Variants in KHDRBS2 observed in about 807,000 individuals in gnomAD.
The protein encoded by KHDRBS2 is KH domain-containing, RNA-binding, signal transduction-associated protein 2.
Under a neutral mutation model 44.3 loss-of-function variants are expected in KHDRBS2, and 26 were observed. The observed-to-expected ratio is 0.59, with a 90% confidence interval of 0.43 to 0.81. The LOEUF (loss-of-function observed/expected upper bound fraction) is 0.81, where lower values mean the gene tolerates loss of function less well. KHDRBS2 is among the 40% of genes least tolerant of loss of function. The pLI is 0.00. For missense variants in KHDRBS2, 476 were observed against 433.1 expected (o/e 1.10, Z -0.88); for synonymous variants, 194 against 151.1 (o/e 1.28, Z -2.08).
At chr6:61,613,557 C>A in the KHDRBS2 span, among the ~76,000 whole-genome samples, 2 of 152,156 alleles carry the variant, frequency 1.3e-5, no homozygotes, top group African/African-American at 4.8e-5. Flanking sequence ...TCTGCATCCA[C>A]ATTTCTTTTT....
chr6:61,628,196 G>A, the KHDRBS2 span, among the ~76,000 whole-genome samples: 1 of 132,464 alleles, frequency 7.5e-6, no homozygotes, highest in Non-Finnish European at 1.5e-5. Flanking sequence ...CATGTCCACT[G>A]GTACATGTGT....
rs963555738 is a variant in KHDRBS2, at chr6:62,136,421, G to C, written c.219+40764C>G. Among the ~76,000 whole-genome samples the C allele has an allele frequency of 1.4e-4, 21 of 152,174 alleles. No homozygotes were observed. The East Asian group carries it at 2.3e-3, about 17-fold the overall frequency. ...TAATTGATTCTCAATCAGGTGATACGCTCCTTTAAATATGAAAAATGCGTT... is the reference window on the plus strand; with the variant it reads ...TAATTGATTCTCAATCAGGTGATACCCTCCTTTAAATATGAAAAATGCGTT... On this transcript the variant is annotated intron_variant, in intron 2 of 8. Coordinates refer to ENST00000281156, the MANE Select transcript of KHDRBS2 (RefSeq NM_152688.4).
At chr6:61,983,220 CTTTCTTTCTTTCTTTCTTTTTTTTTTTT>C (rs1402541337) in intron 3 of KHDRBS2, among the ~76,000 whole-genome samples, 1 of 76,452 alleles carries the variant, frequency 1.3e-5, no homozygotes, top group African/African-American at 5.3e-5. Context: ...TTCTTTCTTT[CTTTCTTTCTTTCTTTCTTTTTTTTTTTT>C]TTTTTTTTTA....
chr6:61,677,564 G>A (rs1766014391), downstream of KHDRBS2, among the ~76,000 whole-genome samples: 1 of 151,856 alleles, frequency 6.6e-6, no homozygotes. Flanking sequence ...CTAAATGTGA[G>A]GTTTATCTTG....
At chr6:61,767,744 A>C (rs1490142823) in intron 6 of KHDRBS2, among the ~76,000 whole-genome samples, 1 of 152,170 alleles carries the variant, frequency 6.6e-6, no homozygotes, top group Admixed American at 6.5e-5. Context: ...ACAAACAAGC[A>C]AAGAGAAAAC....
At position 62,140,471 on chromosome 6, in the gene KHDRBS2, A is replaced by G. The variant is rs537708007; in HGVS notation, c.219+36714T>C. On this transcript the variant is annotated intron_variant, in intron 2 of 8. Transcript: ENST00000281156. ...TAGTGAACATGGAAATAAATTCTATAAATTTGAGGGTTATCAAAATGAACC... is the reference window on the plus strand; with the variant it reads ...TAGTGAACATGGAAATAAATTCTATGAATTTGAGGGTTATCAAAATGAACC... Among the ~76,000 whole-genome samples the G allele has an allele frequency of 5.3e-5, 8 of 152,330 alleles. 1 individual carries two copies. Among genetic ancestry groups the G allele is most frequent in the Admixed American group, 3.3e-4 (5 of 15,300 alleles).
the KHDRBS2 span, among the ~76,000 whole-genome samples, chr6:61,641,587 T>G: frequency 1.3e-5 from 2 of 152,196 alleles, no homozygotes; most frequent in Non-Finnish European, 2.9e-5. Flanking sequence ...TCTGTAAGAA[T>G]CTATAGCTTT....
At chr6:62,055,786 T>G (rs1020622908) in intron 2 of KHDRBS2, among the ~76,000 whole-genome samples, 1 of 151,980 alleles carries the variant, frequency 6.6e-6, no homozygotes, top group African/African-American at 2.4e-5. Flanking sequence ...AGAAGTTGCA[T>G]CACATTTGGA....
Position 61,960,900 on chromosome 6 carries a change from A to G in KHDRBS2, c.483+17166T>C, listed in dbSNP as rs188908328. On this transcript the variant is annotated intron_variant, in intron 4 of 8. Coordinates refer to ENST00000281156, the MANE Select transcript of KHDRBS2 (RefSeq NM_152688.4). ...CTGCAATGTTTTACCCACTGAGTGC[A>G]TGAAGCAGTTATTTGAAGACACTAA... 2.2e-3 allele frequency among the ~76,000 whole-genome samples: 334 copies of G among 152,258 alleles called. 2 individuals are homozygous for G. Among genetic ancestry groups the G allele is most frequent in the African/African-American group, 7.8e-3 (325 of 41,572 alleles).
chr6:61,933,420 A>T (rs555661076), intron 4 of KHDRBS2, among the ~76,000 whole-genome samples: 73 of 152,290 alleles, frequency 4.8e-4, no homozygotes, highest in Middle Eastern at 6.8e-3. Flanking sequence ...GCTGCAAAAA[A>T]CATAGGAGTG....
chr6:62,047,944 C>T lies in KHDRBS2; in HGVS notation c.270G>A (p.Arg90=), dbSNP rs542270179. The change falls in exon 3 of 9, where the codon AGG becomes AGA. Residue 90 remains arginine, a synonymous_variant. Transcript: ENST00000281156. ...TTTTAGCACCTGTTTCTTCCTGTAG[C>T]CTCTTCAAGGAGTTTCCTCTTGGTC... ...LLGPRGNSLK[R]LQEETGAKMS... The T allele has an allele frequency of 1.2e-6, 2 of 1,612,248 alleles. No individual in the cohort carries two copies. Among genetic ancestry groups the T allele is most frequent in the South Asian group, 1.1e-5 (1 of 91,046 alleles).
At chr6:61,689,972 T>G (rs1345050071) in intron 8 of KHDRBS2, among the ~76,000 whole-genome samples, 1 of 151,952 alleles carries the variant, frequency 6.6e-6, no homozygotes, top group Non-Finnish European at 1.5e-5. Context: ...CCTATTCTGT[T>G]TTAGTCCAGA....
intron 2 of KHDRBS2, among the ~76,000 whole-genome samples, chr6:62,080,645 T>A (rs1188084720): frequency 6.6e-6 from 1 of 152,110 alleles, no homozygotes; most frequent in African/African-American, 2.4e-5. Context: ...TTCTAGATCA[T>A]CTCAATTTGT....
intron 6 of KHDRBS2, among the ~76,000 whole-genome samples, chr6:61,766,110 C>CT (rs35703613): frequency 0.36 from 53,740 of 149,906 alleles, 10,201 homozygotes; most frequent in East Asian, 0.47. Context: ...CGTGTTCAGG[C>CT]TTTTTTTTTG....
chr6:61,865,994 C>T (rs1010036100), intron 6 of KHDRBS2, among the ~76,000 whole-genome samples: 2 of 152,206 alleles, frequency 1.3e-5, no homozygotes, highest in South Asian at 2.1e-4. Context: ...CACTAACTGG[C>T]GTTGTGTGTC....
intron 3 of KHDRBS2, among the ~76,000 whole-genome samples, chr6:62,039,255 AACACAC>A (rs142933011): frequency 6.9e-6 from 1 of 145,878 alleles, no homozygotes. Flanking sequence ...TACACAGGCA[AACACAC>A]ACACACACAC....
At chr6:62,189,684 T>C (rs913128304) in intron 1 of KHDRBS2, among the ~76,000 whole-genome samples, 21 of 152,006 alleles carry the variant, frequency 1.4e-4, no homozygotes, top group Non-Finnish European at 2.6e-4. Flanking sequence ...GGTCTACAAA[T>C]TGGTTGGATT....
chr6:62,276,476 T>C (rs767044128), intron 1 of KHDRBS2, among the ~76,000 whole-genome samples: 1 of 152,118 alleles, frequency 6.6e-6, no homozygotes, highest in African/African-American at 2.4e-5. Flanking sequence ...CCACACAAAA[T>C]TATCCAATCA....
intron 1 of KHDRBS2, among the ~76,000 whole-genome samples, chr6:62,248,547 C>A (rs541114524): frequency 2.0e-5 from 3 of 151,716 alleles, no homozygotes; most frequent in Admixed American, 1.3e-4. Flanking sequence ...TTAGTAGAGA[C>A]GGGGTTTCAC....
Sources: allele counts gnomAD v4.1 joint callset (sites outside exome capture counted in the v4.1 genomes callset), GRCh38; gene constraint gnomAD v4.1.1; transcripts MANE v1.5; gene names NCBI Gene and HGNC (gene_info 2026-07-23, HGNC 2026-07-21).